The following PAM variants were observed in gnomAD, a reference collection of about 807,000 sequenced individuals.
PAM encodes peptidylglycine alpha-amidating monooxygenase, also known as peptidyl-glycine alpha-amidating monooxygenase.
Under a neutral mutation model 122.1 loss-of-function variants are expected in PAM, and 72 were observed. The observed-to-expected ratio is 0.59, with a 90% CI of 0.49 to 0.72. The LOEUF (loss-of-function observed/expected upper bound fraction) is 0.72. Ranked by LOEUF, PAM falls within the 30% of genes least tolerant of loss-of-function variation. The pLI is 0.00. For missense variants in PAM, 1,106 were observed against 1,183.7 expected (o/e 0.93, Z 0.96); for synonymous variants, 389 against 404.4 (o/e 0.96, Z 0.46).
At chr5:102,781,119 T>C (rs1408720403) in intron 1 of PAM, among the ~76,000 whole-genome samples, 1 of 152,130 alleles carries the variant, frequency 6.6e-6, no homozygotes, top group African/African-American at 2.4e-5. Context: ...CAGTATTGAT[T>C]AATATGCAAA....
At position 102,935,751 on chromosome 5, in the gene PAM, A is replaced by T. The variant is rs1458057662; in HGVS notation, c.526+9083A>T. On this transcript the variant is annotated intron_variant, in intron 7 of 25. Transcript: ENST00000438793. ...CCTTATAATGTTTCATTTAAAAGATAAGAATTAACTGAAAGATCTTAATAG... is the reference window on the plus strand; with the variant it reads ...CCTTATAATGTTTCATTTAAAAGATTAGAATTAACTGAAAGATCTTAATAG... 3.3e-5 allele frequency among the ~76,000 whole-genome samples: 5 copies of T among 151,862 alleles called. 1 individual carries two copies. In the Admixed American group the frequency reaches 3.3e-4, roughly 10 times the overall value.
At chr5:102,792,862 C>T (rs1463863968) in intron 1 of PAM, among the ~76,000 whole-genome samples, 2 of 152,152 alleles carry the variant, frequency 1.3e-5, no homozygotes, top group Admixed American at 6.5e-5. Flanking sequence ...GTGCTTTCTG[C>T]AGCCACACAC....
chr5:102,814,513 CT>C (rs1768999138), intron 1 of PAM, among the ~76,000 whole-genome samples: 1 of 143,508 alleles, frequency 7.0e-6, no homozygotes, highest in African/African-American at 2.6e-5. Context: ...CTCTCTCTCT[CT>C]CTCCCTCTCT....
chr5:102,891,588 G>A (rs1469368908), intron 3 of PAM, among the ~76,000 whole-genome samples: 3 of 151,660 alleles, frequency 2.0e-5, no homozygotes, highest in African/African-American at 7.3e-5. Context: ...CCTCTCCTTT[G>A]AAAGGAAAAA....
intron 1 of PAM, among the ~76,000 whole-genome samples, chr5:102,839,078 G>T (rs1210827023): frequency 6.6e-6 from 1 of 152,028 alleles, no homozygotes; most frequent in Non-Finnish European, 1.5e-5. Context: ...TTAAACAATA[G>T]CTGTAAACTC....
chr5:102,988,638 G>T (rs1772844029), intron 15 of PAM, among the ~76,000 whole-genome samples: 1 of 136,324 alleles, frequency 7.3e-6, no homozygotes, highest in Non-Finnish European at 1.5e-5. Context: ...GGAAAAAAAA[G>T]AAGGAAAGGA....
Position 102,841,406 on chromosome 5 carries a change from T to TACACACACAC in PAM, c.-373-24387_-373-24378dup, listed in dbSNP as rs35825092. On this transcript the variant is annotated intron_variant, in intron 1 of 25. Coordinates refer to ENST00000438793, the MANE Select transcript of PAM (RefSeq NM_001177306.2). ...CTGTTCATTCTCAAACACCTACAAA[T>TACACACACAC]ACACACACACACACACACACACACA... is the stretch of plus-strand genomic sequence containing the variant. 8.2e-3 allele frequency among the ~76,000 whole-genome samples: 1,129 copies of TACACACACAC among 138,510 alleles called. 10 individuals are homozygous for TACACACACAC. Among genetic ancestry groups the TACACACACAC allele is most frequent in the African/African-American group, 0.024 (897 of 37,734 alleles). 90.9% of individuals were successfully genotyped at this position (138,510 alleles called of 152,430 possible). A position where few individuals can be genotyped will look rare whatever the true frequency, so the allele number is the denominator to read the frequency against.
intron 3 of PAM, among the ~76,000 whole-genome samples, chr5:102,876,881 A>T (rs1159561804): frequency 6.6e-6 from 1 of 152,188 alleles, no homozygotes; most frequent in Admixed American, 6.5e-5. Context: ...CTTCTCAAGC[A>T]AGCACTTTAA....
chr5:102,860,351 T>C (rs778383901), intron 1 of PAM, among the ~76,000 whole-genome samples: 16 of 152,090 alleles, frequency 1.1e-4, no homozygotes, highest in Non-Finnish European at 2.2e-4. Flanking sequence ...AGGAAGGTCT[T>C]GTGCAGGGCT....
chr5:103,008,298 A>T (rs1779636066), intron 20 of PAM, among the ~76,000 whole-genome samples: 3 of 152,050 alleles, frequency 2.0e-5, no homozygotes, highest in Admixed American at 6.6e-5. Flanking sequence ...CAATTTTTTT[A>T]AATTGTAATT....
intron 7 of PAM, among the ~76,000 whole-genome samples, chr5:102,937,179 C>T (rs1753546236): frequency 6.6e-6 from 1 of 152,164 alleles, no homozygotes; most frequent in African/African-American, 2.4e-5. Context: ...GCATATCTGA[C>T]ATTCTCAGAG....
chr5:102,760,379 T>C (rs1751962001), intron 1 of PAM, among the ~76,000 whole-genome samples: 2 of 152,206 alleles, frequency 1.3e-5, no homozygotes, highest in Non-Finnish European at 2.9e-5. Flanking sequence ...TCTGTCTTCT[T>C]CCAGCATCCC....
intron 2 of PAM, among the ~76,000 whole-genome samples, chr5:102,866,976 A>G (rs1380875755): frequency 2.6e-5 from 4 of 152,202 alleles, no homozygotes; most frequent in African/African-American, 7.2e-5. Context: ...TTTTTATATG[A>G]CATAATTTTT....
intron 1 of PAM, among the ~76,000 whole-genome samples, chr5:102,789,603 A>T (rs1761512945): frequency 6.6e-6 from 1 of 152,134 alleles, no homozygotes; most frequent in Non-Finnish European, 1.5e-5. Flanking sequence ...TCAAGACAGA[A>T]GATAGAATGC....
Position 102,796,477 on chromosome 5 carries a change from T to TGTCTGGTAGGA in PAM, c.-374+41144_-374+41154dup, listed in dbSNP as rs544536720. ...AGGCAAGAAAAATTGATCTTCCTAGTGTCTGGTAGGAGTCTGGTAGGAGTC... is the reference window on the plus strand; with the variant it reads ...AGGCAAGAAAAATTGATCTTCCTAGTGTCTGGTAGGAGTCTGGTAGGAGTCTGGTAGGAGTC... On this transcript the variant is annotated intron_variant, in intron 1 of 25. Coordinates refer to ENST00000438793, the MANE Select transcript of PAM (RefSeq NM_001177306.2). Among the ~76,000 whole-genome samples, 275 of 152,286 alleles carry TGTCTGGTAGGA rather than the reference T, an allele frequency of 1.8e-3. 1 individual carries two copies. Among genetic ancestry groups the TGTCTGGTAGGA allele is most frequent in the Admixed American group, 6.0e-3 (92 of 15,298 alleles).
intron 17 of PAM, 130 bp from the exon 18 acceptor site, chr5:103,005,024 C>A: frequency 1.7e-6 from 1 of 605,408 alleles, no homozygotes; most frequent in Non-Finnish European, 3.0e-6. Context: ...TTGTTCTTTT[C>A]TATAATAATG....
intron 3 of PAM, among the ~76,000 whole-genome samples, chr5:102,883,856 A>T (rs535153530): frequency 6.5e-4 from 99 of 152,036 alleles, no homozygotes; most frequent in African/African-American, 2.2e-3. Flanking sequence ...GGTTTGTCAT[A>T]AATGGCTTTT....
At chr5:102,827,416 G>T (rs951664194) in intron 1 of PAM, among the ~76,000 whole-genome samples, 2 of 133,564 alleles carry the variant, frequency 1.5e-5, no homozygotes, top group Non-Finnish European at 3.2e-5. Flanking sequence ...TATGATCCTA[G>T]GAAAATAAAA....
chr5:102,984,386 A>G (rs1475288911), intron 15 of PAM, among the ~76,000 whole-genome samples: 1 of 152,202 alleles, frequency 6.6e-6, no homozygotes, highest in African/African-American at 2.4e-5. Flanking sequence ...GTGAAGGAAT[A>G]GTAAAATATA....
Sources: gnomAD v4.1 joint callset for allele counts (sites outside exome capture counted in the v4.1 genomes callset) on GRCh38, gnomAD v4.1.1 for gene constraint, MANE v1.5 for transcripts, NCBI Gene and HGNC (gene_info 2026-07-23, HGNC 2026-07-21) for gene names.